TTC23L: variants seen among roughly 807,000 people sequenced by gnomAD.
The protein encoded by TTC23L is tetratricopeptide repeat protein 23-like.
A neutral mutation model predicts 48.1 loss-of-function variants in TTC23L; 42 were observed. The observed-to-expected ratio is 0.87, with a 90% CI of 0.68 to 1.13. TTC23L has a LOEUF of 1.13. Ranked by LOEUF, TTC23L falls within the 50% of genes most tolerant of loss-of-function variation. The pLI is 0.00. For missense variants in TTC23L, 391 were observed against 421.0 expected (o/e 0.93, Z 0.62); for synonymous variants, 159 against 157.2 (o/e 1.01, Z -0.09).
At chr5:34,841,440 T>TACA (rs1758665158) in intron 2 of TTC23L, among the ~76,000 whole-genome samples, 2 of 152,208 alleles carry the variant, frequency 1.3e-5, no homozygotes, top group Non-Finnish European at 2.9e-5. Flanking sequence ...CAAAGAGATG[T>TACA]TAGGGAGTTT....
intron 3 of TTC23L, among the ~76,000 whole-genome samples, chr5:34,849,686 A>T (rs336494): frequency 0.89 from 135,072 of 152,232 alleles, 60,287 homozygotes; most frequent in African/African-American, 0.97. Context: ...ACGAAATGTT[A>T]ACAGAGGCAA....
chr5:34,844,145 A>C (rs1331303533), intron 2 of TTC23L, among the ~76,000 whole-genome samples: 2 of 152,196 alleles, frequency 1.3e-5, no homozygotes, highest in Non-Finnish European at 2.9e-5. Context: ...AAGGAAGTTC[A>C]TCACCTGTCT....
the TTC23L span, among the ~76,000 whole-genome samples, chr5:34,911,124 A>T: frequency 6.6e-6 from 1 of 152,228 alleles, no homozygotes; most frequent in Non-Finnish European, 1.5e-5. Flanking sequence ...AGCACACGGT[A>T]GGTGATCAAC....
chr5:34,903,175 T>C (rs145669599), downstream of TTC23L, among the ~76,000 whole-genome samples: 839 of 152,278 alleles, frequency 5.5e-3, 8 homozygotes, highest in African/African-American at 0.02. Context: ...TTTTCTTTAT[T>C]GTCAGTGTAA....
chr5:34,922,667 A>G, the TTC23L span: 3 of 1,606,308 alleles, frequency 1.9e-6, no homozygotes, highest in African/African-American at 2.7e-5. Context: ...AGTTACAACT[A>G]TTTTTGTTTT....
intron 5 of TTC23L, 125 bp from the exon 6 acceptor site, chr5:34,864,312 T>C (rs1760891572): frequency 1.5e-5 from 18 of 1,172,064 alleles, no homozygotes; most frequent in Non-Finnish European, 2.1e-5. Context: ...ATAAAGAACA[T>C]AGTTAAGTAC....
chr5:34,850,113 T>A, intron 3 of TTC23L, 72 bp from the exon 4 acceptor site: 1 of 1,539,324 alleles, frequency 6.5e-7, no homozygotes, highest in Non-Finnish European at 8.9e-7. Flanking sequence ...AGTCCTGTGT[T>A]CCAGTGATAA....
At chr5:34,919,274 CAAAAAAAAAAAAA>C in the TTC23L span, among the ~76,000 whole-genome samples, 2 of 35,966 alleles carry the variant, frequency 5.6e-5, no homozygotes, top group Non-Finnish European at 1.0e-4. Flanking sequence ...GACCCTGTCT[CAAAAAAAAAAAAA>C]AAAAAAAAAA....
rs1275689366 is a variant in TTC23L at position 34,867,055 on chromosome 5, C to T, written c.826C>T (p.Gln276Ter). 6.2e-7 allele frequency: 1 copy of T among 1,610,434 alleles called. No individual in the cohort carries two copies. ...GAGGAGGAACCACAACCAGGCCATCCAGTACTTGCAGCAGGTCAGTGGGTT... is the reference window on the plus strand; with the variant it reads ...GAGGAGGAACCACAACCAGGCCATCTAGTACTTGCAGCAGGTCAGTGGGTT... The change falls in exon 7 of 11, where the codon CAG (glutamine) becomes TAG (stop). Residue 276 changes from glutamine (Q) to a stop codon, truncating the protein, a stop_gained. Coordinates refer to ENST00000505624, the Ensembl canonical transcript of TTC23L. LOFTEE classifies it high-confidence loss of function.
At chr5:34,894,240 C>T (rs1763060040) in intron 9 of TTC23L, among the ~76,000 whole-genome samples, 1 of 151,992 alleles carries the variant, frequency 6.6e-6, no homozygotes, top group African/African-American at 2.4e-5. Flanking sequence ...CCTATACATA[C>T]ATAAATATAT....
At chr5:34,875,046 C>A (rs999912208) in intron 8 of TTC23L, among the ~76,000 whole-genome samples, 1 of 152,060 alleles carries the variant, frequency 6.6e-6, no homozygotes, top group Non-Finnish European at 1.5e-5. Context: ...CAAAAGAATG[C>A]AAGAGTAGCC....
chr5:34,923,371 C>G, the TTC23L span: 1 of 660,142 alleles, frequency 1.5e-6, no homozygotes, highest in South Asian at 1.8e-5. Context: ...CCTCCACCTC[C>G]CGGGTTCAAG....
chr5:34,849,778 G>A (rs1759509473), intron 3 of TTC23L, among the ~76,000 whole-genome samples: 1 of 152,154 alleles, frequency 6.6e-6, no homozygotes, highest in African/African-American at 2.4e-5. Context: ...TTGGCCAGGA[G>A]TAGATCACTG....
intron 3 of TTC23L, among the ~76,000 whole-genome samples, chr5:34,846,659 A>G (rs867364715): frequency 8.7e-4 from 60 of 69,166 alleles, no homozygotes; most frequent in Admixed American, 1.4e-3. Flanking sequence ...AAATACATAT[A>G]TGTGTGTATG....
Position 34,846,650 on chromosome 5 carries a change from AATACAT to A in TTC23L, c.255+981_255+986del, listed in dbSNP as rs1759202172. On this transcript the variant is annotated intron_variant, in intron 3 of 10. Transcript: ENST00000505624. ...ATATACATATATACGTATATATACAAATACATATATGTGTGTATGTGTGTGTGTGTG... is the reference window on the plus strand; with the variant it reads ...ATATACATATATACGTATATATACAAATATGTGTGTATGTGTGTGTGTGTG... Among the ~76,000 whole-genome samples the A allele has an allele frequency of 3.4e-5, 4 of 116,878 alleles. 1 individual carries two copies. The highest frequency in any genetic ancestry group is 1.2e-4 in the African/African-American group (4 of 32,850). The allele number at this position is 116,878 out of a possible 152,430, so 76.7% of individuals were successfully genotyped here.
At position 34,894,012 on chromosome 5, in the gene TTC23L, G is replaced by C. The variant is rs146462234; in HGVS notation, c.1078-2758G>C. ...TGAAAAATACAGGCAAGAAAACCCAGCTCTGTCAAAAGTATGGGGAGCTCA... is the reference window on the plus strand; with the variant it reads ...TGAAAAATACAGGCAAGAAAACCCACCTCTGTCAAAAGTATGGGGAGCTCA... On this transcript the variant is annotated intron_variant, in intron 9 of 10. Coordinates refer to ENST00000505624, the Ensembl canonical transcript of TTC23L. 4.3e-4 allele frequency among the ~76,000 whole-genome samples: 65 copies of C among 152,184 alleles called. No individual in the cohort carries two copies. In the East Asian group the frequency reaches 0.01, roughly 24 times the overall value.
chr5:34,890,600 C>T (rs1464139999), intron 9 of TTC23L, among the ~76,000 whole-genome samples: 3 of 152,060 alleles, frequency 2.0e-5, no homozygotes, highest in African/African-American at 7.2e-5. Context: ...TATGAGGATA[C>T]CTGTTCAGCA....
At chr5:34,909,270 G>T in the TTC23L span, 3 of 1,607,112 alleles carry the variant, frequency 1.9e-6, no homozygotes, top group Non-Finnish European at 2.6e-6. Context: ...GTTGACTTGG[G>T]TCTGATTACA....
the TTC23L span, chr5:34,915,245 G>C: frequency 3.2e-6 from 1 of 312,688 alleles, no homozygotes; most frequent in South Asian, 4.6e-5. Context: ...CGGGGAGTCG[G>C]TTTTGTGCAG....
Sources: allele counts gnomAD v4.1 joint callset (sites outside exome capture counted in the v4.1 genomes callset), GRCh38; gene constraint gnomAD v4.1.1; transcripts MANE v1.5; gene names NCBI Gene and HGNC (gene_info 2026-07-23, HGNC 2026-07-21).